SHC4: variants seen among roughly 807,000 people sequenced by gnomAD.
SHC4 encodes the protein SHC-transforming protein 4.
In SHC4, 41 loss-of-function variants were observed where a neutral mutation model predicts 69.4. The observed-to-expected ratio is 0.59, with a 90% CI of 0.46 to 0.77. The LOEUF (loss-of-function observed/expected upper bound fraction) is 0.77, where lower values mean the gene tolerates loss of function less well. Among genes scored for constraint, SHC4 ranks in the 30% least tolerant of loss-of-function variants. The probability of loss-of-function intolerance (pLI) is 0.00; values close to 1 mark genes in which losing one functional copy is unlikely to be tolerated. For synonymous variants in SHC4, 318 were observed against 299.3 expected (o/e 1.06, Z -0.64); for missense variants, 777 against 783.8 (o/e 0.99, Z 0.10).
intron 2 of SHC4, among the ~76,000 whole-genome samples, chr15:48,895,669 C>T (rs1378931743): frequency 9.2e-5 from 14 of 152,170 alleles, no homozygotes; most frequent in Admixed American, 8.5e-4. Flanking sequence ...CTCACACGCT[C>T]ACTCAGAACT....
chr15:48,940,133 T>G (rs1030406731), intron 1 of SHC4, among the ~76,000 whole-genome samples: 7 of 152,166 alleles, frequency 4.6e-5, no homozygotes, highest in Non-Finnish European at 1.0e-4. Flanking sequence ...CACCATCAAG[T>G]TGGTTATGGT....
intron 9 of SHC4, among the ~76,000 whole-genome samples, chr15:48,850,486 T>C (rs572288220): frequency 7.9e-5 from 12 of 152,346 alleles, no homozygotes; most frequent in African/African-American, 1.7e-4. Flanking sequence ...TATCCATCTG[T>C]ATTCTCCACT....
At chr15:48,913,037 C>G (rs1900538532) in intron 2 of SHC4, among the ~76,000 whole-genome samples, 2 of 104,578 alleles carry the variant, frequency 1.9e-5, no homozygotes, top group Non-Finnish European at 4.1e-5. Context: ...GGGTCCTTAG[C>G]TTTGGTGGTT....
At chr15:48,955,459 A>G (rs1228856491) in intron 1 of SHC4, among the ~76,000 whole-genome samples, 1 of 152,156 alleles carries the variant, frequency 6.6e-6, no homozygotes, top group Non-Finnish European at 1.5e-5. Context: ...GAGTAATATG[A>G]ACATGGAAAT....
At chr15:48,897,675 A>G (rs868025300) in intron 2 of SHC4, among the ~76,000 whole-genome samples, 50 of 151,204 alleles carry the variant, frequency 3.3e-4, no homozygotes, top group African/African-American at 1.2e-3. Context: ...TAGGAAAGCC[A>G]GAAAATGTGC....
chr15:48,949,182 T>C (rs1208267139), intron 1 of SHC4, among the ~76,000 whole-genome samples: 1 of 151,468 alleles, frequency 6.6e-6, no homozygotes, highest in Non-Finnish European at 1.5e-5. Flanking sequence ...CCATCCTGGC[T>C]AACACGGTGA....
intron 5 of SHC4, among the ~76,000 whole-genome samples, chr15:48,869,126 C>A (rs1288446786): frequency 6.6e-6 from 1 of 152,118 alleles, no homozygotes; most frequent in African/African-American, 2.4e-5. Flanking sequence ...TTACAGAATG[C>A]TAAAAGTAAA....
At chr15:48,932,730 C>CCT (rs1433640777) in intron 1 of SHC4, among the ~76,000 whole-genome samples, 1 of 152,076 alleles carries the variant, frequency 6.6e-6, no homozygotes, top group Non-Finnish European at 1.5e-5. Context: ...TTCTTTGGGC[C>CCT]CTCTTCTATA....
chr15:48,888,256 A>G (rs1472032968), intron 3 of SHC4, among the ~76,000 whole-genome samples: 2 of 152,250 alleles, frequency 1.3e-5, no homozygotes, highest in Admixed American at 6.5e-5. Flanking sequence ...ATGGGTATAT[A>G]CATACAATGC....
intron 1 of SHC4, among the ~76,000 whole-genome samples, chr15:48,935,528 A>G (rs1015862226): frequency 5.3e-5 from 8 of 152,204 alleles, no homozygotes; most frequent in Non-Finnish European, 7.3e-5. Flanking sequence ...TCCTAACTGG[A>G]CCATTTGTAA....
intron 8 of SHC4, among the ~76,000 whole-genome samples, chr15:48,852,042 C>A (rs553415855): frequency 6.6e-6 from 1 of 152,262 alleles, no homozygotes; most frequent in Non-Finnish European, 1.5e-5. Flanking sequence ...CTGTCAGTGC[C>A]ATCAATAAAC....
At chr15:48,871,269 T>A (rs529111280) in intron 5 of SHC4, among the ~76,000 whole-genome samples, 34 of 152,362 alleles carry the variant, frequency 2.2e-4, no homozygotes, top group African/African-American at 7.5e-4. Context: ...GTTTAACCAT[T>A]ATGAAAGTCA....
intron 8 of SHC4, among the ~76,000 whole-genome samples, chr15:48,852,640 G>A (rs1470486478): frequency 6.6e-6 from 1 of 152,120 alleles, no homozygotes; most frequent in Non-Finnish European, 1.5e-5. Flanking sequence ...GACGGCTCAC[G>A]CTTGTAATCT....
chr15:48,903,400 A>ATCATTTT (rs1345950018), intron 2 of SHC4, among the ~76,000 whole-genome samples: 6 of 152,186 alleles, frequency 3.9e-5, no homozygotes, highest in Non-Finnish European at 8.8e-5. Flanking sequence ...AAGGAATTAT[A>ATCATTTT]TCATTTTTTT....
chr15:48,911,813 T>C (rs1900513823), intron 2 of SHC4, among the ~76,000 whole-genome samples: 1 of 152,218 alleles, frequency 6.6e-6, no homozygotes, highest in African/African-American at 2.4e-5. Context: ...TCTCTCAGCA[T>C]TTGTTCGTCT....
At chr15:48,950,462 T>C (rs1216279839) in intron 1 of SHC4, among the ~76,000 whole-genome samples, 1 of 152,060 alleles carries the variant, frequency 6.6e-6, no homozygotes, top group African/African-American at 2.4e-5. Context: ...ATTTTCTACC[T>C]TGTATTATGA....
At position 48,825,954 on chromosome 15, in the gene SHC4, A is replaced by G; in HGVS notation, c.*17T>C. On this transcript the variant is annotated 3_prime_UTR_variant, in exon 12 of 12. Transcript: ENST00000332408. Reference sequence around the variant, plus strand: ...TGGGGTTTCTTGAAATATCAGTGTGATGGTGCTTCAATACTGTCATTTGTT... The same window carrying G: ...TGGGGTTTCTTGAAATATCAGTGTGGTGGTGCTTCAATACTGTCATTTGTT... 6.2e-7 allele frequency: 1 copy of G among 1,610,000 alleles called. No homozygotes were observed. Among genetic ancestry groups the G allele is most frequent in the Non-Finnish European group, 8.5e-7 (1 of 1,178,470 alleles).
chr15:48,850,915 G>A (rs942927363), intron 9 of SHC4, among the ~76,000 whole-genome samples: 7 of 152,214 alleles, frequency 4.6e-5, no homozygotes, highest in African/African-American at 7.2e-5. Context: ...TTTCCAGAGA[G>A]AGAGCTTTCA....
intron 4 of SHC4, among the ~76,000 whole-genome samples, chr15:48,875,147 T>C (rs1899769926): frequency 6.6e-6 from 1 of 152,078 alleles, no homozygotes; most frequent in East Asian, 1.9e-4. Flanking sequence ...TTACAACAGG[T>C]GATTCACATT....
Sources: allele counts gnomAD v4.1 joint callset (sites outside exome capture counted in the v4.1 genomes callset), GRCh38; gene constraint gnomAD v4.1.1; transcripts MANE v1.5; gene names NCBI Gene and HGNC (gene_info 2026-07-23, HGNC 2026-07-21).